Variants in PRKAR1B observed in about 807,000 individuals in gnomAD.
The protein encoded by PRKAR1B is protein kinase cAMP-dependent type I regulatory subunit beta.
A neutral mutation model predicts 46.5 loss-of-function variants in PRKAR1B; 22 were observed. The observed-to-expected ratio is 0.47, with a 90% CI of 0.34 to 0.68. The LOEUF (loss-of-function observed/expected upper bound fraction) is 0.68, where lower values mean the gene tolerates loss of function less well. Among genes scored for constraint, PRKAR1B ranks in the 30% least tolerant of loss-of-function variants. The pLI, the probability that PRKAR1B is intolerant of heterozygous loss-of-function variation, is 0.01. For synonymous variants in PRKAR1B, 259 were observed against 217.7 expected (o/e 1.19, Z -1.67); for missense variants, 445 against 535.6 (o/e 0.83, Z 1.67).
chr7:655,769 C>G (rs1186304576), intron 4 of PRKAR1B, among the ~76,000 whole-genome samples: 1 of 152,126 alleles, frequency 6.6e-6, no homozygotes, highest in Non-Finnish European at 1.5e-5. Flanking sequence ...TGGAGCACCT[C>G]CAACTGCCAC....
intron 9 of PRKAR1B, among the ~76,000 whole-genome samples, chr7:556,699 A>T (rs2128422088): frequency 6.6e-6 from 1 of 152,234 alleles, no homozygotes; most frequent in Admixed American, 6.5e-5. Flanking sequence ...GTGCCTGTGG[A>T]TCGGGAACAG....
At chr7:612,049 G>A (rs545834644) in intron 4 of PRKAR1B, among the ~76,000 whole-genome samples, 373 of 143,264 alleles carry the variant, frequency 2.6e-3, no homozygotes, top group African/African-American at 8.8e-3. Context: ...GTAGAATAAC[G>A]GATGGATGGA....
chr7:555,876 G>A (rs1051261114), intron 9 of PRKAR1B, among the ~76,000 whole-genome samples: 4 of 152,184 alleles, frequency 2.6e-5, no homozygotes, highest in South Asian at 2.1e-4. Flanking sequence ...ATTGGCAGAC[G>A]GGAGCCCGGG....
chr7:727,207 C>A lies in PRKAR1B; in HGVS notation c.-23+3G>T, dbSNP rs1474620453. On this transcript the variant is annotated splice_donor_region_variant and intron_variant, in intron 1 of 10. Transcript: ENST00000537384. ...CCTGTGCGGCGCCGCGCTCGCGCCC[C>A]ACCTGGACGACGCTCTGCGCGCGCT... 2 of 1,350,950 alleles carry A rather than the reference C, an allele frequency of 1.5e-6. No homozygotes were observed. 83.7% of individuals were successfully genotyped at this position (1,350,950 alleles called of 1,614,324 possible). A position where few individuals can be genotyped will look rare whatever the true frequency, so the allele number is the denominator to read the frequency against.
intron 9 of PRKAR1B, among the ~76,000 whole-genome samples, chr7:552,779 A>G (rs940812676): frequency 1.3e-5 from 2 of 152,200 alleles, no homozygotes; most frequent in Non-Finnish European, 2.9e-5. Context: ...CCGGTCTCCA[A>G]GCTGACCTTG....
chr7:689,677 C>T, intron 2 of PRKAR1B, among the ~76,000 whole-genome samples: 1 of 146,120 alleles, frequency 6.8e-6, no homozygotes. Context: ...AAAAAAGACC[C>T]AAAGAGAAGA....
chr7:690,508 C>G (rs1212192638), intron 2 of PRKAR1B, among the ~76,000 whole-genome samples: 1 of 148,800 alleles, frequency 6.7e-6, no homozygotes, highest in African/African-American at 2.4e-5. Flanking sequence ...ACAACAACAA[C>G]AAATTTCAAG....
rs1379696670 is a variant in PRKAR1B, at chr7:680,681, A to G, written c.223T>C (p.Ser75Pro). 6.2e-7 allele frequency: 1 copy of G among 1,613,676 alleles called. No individual in the cohort carries two copies. Among genetic ancestry groups the G allele is most frequent in the Non-Finnish European group, 8.5e-7 (1 of 1,179,958 alleles). ...GACACCTCCTCATCATGGGAGTCCGACTGTGAGTTTGACTTTTGCCGCGCC... is the reference window on the plus strand; with the variant it reads ...GACACCTCCTCATCATGGGAGTCCGGCTGTGAGTTTGACTTTTGCCGCGCC... ...ILARQKSNSQ[S>P]DSHDEEVSPT... The change falls in exon 3 of 11, where the codon TCG (serine) becomes CCG (proline). Residue 75 changes from serine (S) to proline (P), a missense_variant. Physicochemically the swap from Ser to Pro is moderately conservative, Grantham distance 74 (BLOSUM62 -1). This residue lies in a region of PRKAR1B where 155 missense variants were observed against 127.5 expected (regional missense o/e 1.22). Transcript: ENST00000537384.
At position 549,793 on chromosome 7, in the gene PRKAR1B, G is replaced by A. The variant is rs11545043; in HGVS notation, c.*637C>T. Reference sequence around the variant, plus strand: ...AGGAGCCCCGTGTGTCTTGGCGCCCGGCTTCCTCTCCAATTAGGGGCAAGA... The same window carrying A: ...AGGAGCCCCGTGTGTCTTGGCGCCCAGCTTCCTCTCCAATTAGGGGCAAGA... On this transcript the variant is annotated 3_prime_UTR_variant, in exon 11 of 11. Transcript: ENST00000537384. 8 of 152,560 alleles carry A rather than the reference G, an allele frequency of 5.2e-5. No individual in the cohort carries two copies. The highest frequency in any genetic ancestry group is 1.9e-4 in the East Asian group (1 of 5,156). 9.5% of individuals were successfully genotyped at this position (152,560 alleles called of 1,614,324 possible). A position where few individuals can be genotyped will look rare whatever the true frequency, so the allele number is the denominator to read the frequency against.
intron 9 of PRKAR1B, 60 bp downstream of exon 9, chr7:579,196 G>T (rs943765696): frequency 1.9e-6 from 3 of 1,612,200 alleles, no homozygotes; most frequent in Non-Finnish European, 2.5e-6. Flanking sequence ...AGAGGAGAAG[G>T]TAAGAAGTGC....
At position 578,842 on chromosome 7, in the gene PRKAR1B, C is replaced by T. The variant is rs182425496; in HGVS notation, c.891+414G>A. The T allele has an allele frequency of 3.0e-3, 876 of 294,664 alleles. 3 individuals are homozygous for T. The highest frequency in any genetic ancestry group is 0.018 in the African/African-American group (800 of 43,868). 18.3% of individuals were successfully genotyped at this position (294,664 alleles called of 1,614,324 possible). ...GATTACAGGCATGTGCCACCACACC[C>T]GGCAAATTTTTGTATTTTTAGTAGA... is the stretch of plus-strand genomic sequence containing the variant. On this transcript the variant is annotated intron_variant, in intron 9 of 10. Coordinates refer to ENST00000537384, the MANE Select transcript of PRKAR1B (RefSeq NM_001164760.2).
At chr7:685,317 C>A (rs7779630) in intron 2 of PRKAR1B, among the ~76,000 whole-genome samples, 1 of 46,788 alleles carries the variant, frequency 2.1e-5, no homozygotes, top group African/African-American at 1.2e-4. Flanking sequence ...CGTATATATA[C>A]GTATATATAC....
intron 1 of PRKAR1B, among the ~76,000 whole-genome samples, chr7:711,946 C>A (rs1292382463): frequency 6.6e-6 from 1 of 151,914 alleles, no homozygotes. Flanking sequence ...ATGCTGGGGG[C>A]CCCTGCGCGC....
rs150695387 is a variant in PRKAR1B at position 551,358 on chromosome 7, G to A, written c.973+31C>T. The A allele has an allele frequency of 3.5e-3, 5,372 of 1,545,620 alleles. 147 individuals are homozygous for A. In the African/African-American group the frequency reaches 0.064, roughly 18 times the overall value. On this transcript the variant is annotated intron_variant, in intron 10 of 10. Transcript: ENST00000537384. ...GACCCCAAATGAGATGGCCACAGCC[G>A]TGCGAGGGAGGGGACGCCCACTGGA...
At chr7:663,477 T>A (rs1785727675) in intron 4 of PRKAR1B, among the ~76,000 whole-genome samples, 1 of 152,072 alleles carries the variant, frequency 6.6e-6, no homozygotes, top group Non-Finnish European at 1.5e-5. Context: ...GCTCAAGCAA[T>A]CCCCCTGCCT....
At chr7:717,432 G>T (rs1780920759) in intron 1 of PRKAR1B, among the ~76,000 whole-genome samples, 1 of 151,964 alleles carries the variant, frequency 6.6e-6, no homozygotes, top group Admixed American at 6.6e-5. Flanking sequence ...CAAAAGAGGA[G>T]GATCACTTGA....
intron 4 of PRKAR1B, among the ~76,000 whole-genome samples, chr7:624,423 C>G (rs1331379691): frequency 6.6e-6 from 1 of 151,366 alleles, no homozygotes; most frequent in Non-Finnish European, 1.5e-5. Context: ...CAGAGCAAGA[C>G]TCCATCTCAA....
chr7:569,141 C>T (rs1779348799), intron 9 of PRKAR1B, among the ~76,000 whole-genome samples: 1 of 152,022 alleles, frequency 6.6e-6, no homozygotes, highest in Admixed American at 6.5e-5. Context: ...TGGGACCATC[C>T]TTTGCTGAAG....
chr7:579,024 C>G (rs1038682134), intron 9 of PRKAR1B: 1 of 985,352 alleles, frequency 1.0e-6, no homozygotes, highest in Non-Finnish European at 1.2e-6. Flanking sequence ...AGGCACCAGC[C>G]ACCTACCTTT....
Sources: allele counts gnomAD v4.1 joint callset (sites outside exome capture counted in the v4.1 genomes callset), GRCh38; gene constraint gnomAD v4.1.1; regional missense constraint gnomAD v4.1.1; transcripts MANE v1.5; gene names NCBI Gene and HGNC (gene_info 2026-07-23, HGNC 2026-07-21).